The following MACROD2 variants were observed in gnomAD, a reference collection of about 807,000 sequenced individuals.
MACROD2 encodes mono-ADP ribosylhydrolase 2, also known as ADP-ribose glycohydrolase MACROD2.
In MACROD2, 36 loss-of-function variants were observed where a neutral mutation model predicts 70.4. The observed-to-expected ratio is 0.51, with a 90% CI of 0.39 to 0.68. The LOEUF (loss-of-function observed/expected upper bound fraction) is 0.68. Ranked by LOEUF, MACROD2 falls within the 30% of genes least tolerant of loss-of-function variation. The probability of loss-of-function intolerance (pLI) is 0.00; values close to 1 mark genes in which losing one functional copy is unlikely to be tolerated. For missense variants in MACROD2, 496 were observed against 538.4 expected (o/e 0.92, Z 0.78); for synonymous variants, 172 against 178.8 (o/e 0.96, Z 0.30).
intron 2 of MACROD2, among the ~76,000 whole-genome samples, chr20:14,034,664 A>T (rs1490400451): frequency 6.6e-6 from 1 of 152,142 alleles, no homozygotes; most frequent in Non-Finnish European, 1.5e-5. Flanking sequence ...GTGAGATTAA[A>T]CCTGTTTTAA....
At chr20:15,803,250 A>G (rs1344067507) in intron 8 of MACROD2, among the ~76,000 whole-genome samples, 6 of 152,150 alleles carry the variant, frequency 3.9e-5, no homozygotes, top group African/African-American at 1.4e-4. Flanking sequence ...AAGATGCAAA[A>G]CTCCTTAATA....
At chr20:14,338,439 A>AT (rs1299453930) in intron 3 of MACROD2, among the ~76,000 whole-genome samples, 1 of 152,070 alleles carries the variant, frequency 6.6e-6, no homozygotes, top group Admixed American at 6.6e-5. Context: ...ATGCCAAAAG[A>AT]TTTTTTTAAA....
At chr20:14,093,994 T>A (rs2423777) in intron 3 of MACROD2, among the ~76,000 whole-genome samples, 1,979 of 149,612 alleles carry the variant, frequency 0.013, 39 homozygotes, top group African/African-American at 0.044. Context: ...TTTTTTAAAA[T>A]TTTTTTTTTA....
chr20:15,033,813 T>G (rs2075293164), intron 5 of MACROD2, among the ~76,000 whole-genome samples: 1 of 152,166 alleles, frequency 6.6e-6, no homozygotes, highest in Admixed American at 6.5e-5. Context: ...CAAATTGCAA[T>G]ATGCATAAAA....
At chr20:15,174,273 A>G (rs992656536) in intron 5 of MACROD2, among the ~76,000 whole-genome samples, 1 of 152,170 alleles carries the variant, frequency 6.6e-6, no homozygotes, top group African/African-American at 2.4e-5. Context: ...ACAAAATGTT[A>G]CTTGTGGCCT....
intron 3 of MACROD2, among the ~76,000 whole-genome samples, chr20:14,165,948 A>G (rs948890966): frequency 5.9e-5 from 9 of 152,238 alleles, no homozygotes; most frequent in Non-Finnish European, 1.3e-4. Flanking sequence ...CATGATTTTC[A>G]GAAAGGAATT....
rs543892074 is a variant in MACROD2 at position 15,367,286 on chromosome 20, A to G, written c.541-64119A>G. Among the ~76,000 whole-genome samples the G allele has an allele frequency of 9.0e-3, 1,371 of 152,242 alleles. 25 individuals carry two copies. The highest frequency in any genetic ancestry group is 0.032 in the African/African-American group (1,318 of 41,520). On this transcript the variant is annotated intron_variant, in intron 6 of 17. Transcript: ENST00000684519. ...TGTGATCCGCCTGCCTTAGCCTCCCAAAGTGCTGGGATTACAGGCGTGAGC... is the reference window on the plus strand; with the variant it reads ...TGTGATCCGCCTGCCTTAGCCTCCCGAAGTGCTGGGATTACAGGCGTGAGC...
intron 8 of MACROD2, among the ~76,000 whole-genome samples, chr20:15,732,478 T>G (rs994319429): frequency 1.3e-5 from 2 of 152,232 alleles, no homozygotes; most frequent in African/African-American, 4.8e-5. Flanking sequence ...CCTAGTTTAA[T>G]GAAGCCTTTT....
intron 3 of MACROD2, among the ~76,000 whole-genome samples, chr20:14,100,077 C>T (rs1172197850): frequency 6.6e-6 from 1 of 151,874 alleles, no homozygotes; most frequent in Non-Finnish European, 1.5e-5. Context: ...CCATAGATGG[C>T]AACACTTAGG....
intron 6 of MACROD2, 124 bp downstream of exon 6, chr20:15,230,185 A>C (rs2076947682): frequency 1.2e-6 from 1 of 851,346 alleles, no homozygotes; most frequent in Non-Finnish European, 1.7e-6. Flanking sequence ...TAAGGATCTT[A>C]GTAGCCGATT....
intron 3 of MACROD2, among the ~76,000 whole-genome samples, chr20:14,190,728 T>TTC (rs765628902): frequency 0.014 from 988 of 71,250 alleles, 63 homozygotes; most frequent in African/African-American, 0.02. Flanking sequence ...TTTTTTTTTT[T>TTC]CCAGAGTCTT....
chr20:15,911,085 C>T (rs1253722092), intron 10 of MACROD2, among the ~76,000 whole-genome samples: 2 of 152,194 alleles, frequency 1.3e-5, no homozygotes, highest in African/African-American at 4.8e-5. Flanking sequence ...TTCATTGTCT[C>T]CGATTGGCTA....
chr20:15,661,408 G>A (rs2049820186), intron 8 of MACROD2, among the ~76,000 whole-genome samples: 1 of 152,180 alleles, frequency 6.6e-6, no homozygotes, highest in South Asian at 2.1e-4. Context: ...CATATGAAAA[G>A]AAGGGAAAAC....
At chr20:15,816,026 G>A (rs914237801) in intron 8 of MACROD2, among the ~76,000 whole-genome samples, 3 of 151,844 alleles carry the variant, frequency 2.0e-5, no homozygotes, top group Non-Finnish European at 4.4e-5. Context: ...CTCCCTCTGC[G>A]TGTGTGTGTT....
chr20:14,959,200 C>T (rs1017289731), intron 5 of MACROD2, among the ~76,000 whole-genome samples: 10 of 152,060 alleles, frequency 6.6e-5, no homozygotes, highest in Admixed American at 3.9e-4. Context: ...AGCGCAATCT[C>T]GGCTCACTGC....
chr20:14,560,692 C>T (rs1055378953), intron 4 of MACROD2, among the ~76,000 whole-genome samples: 2 of 151,822 alleles, frequency 1.3e-5, no homozygotes, highest in African/African-American at 4.8e-5. Flanking sequence ...GGTCTATGAA[C>T]ATAAGAGTTT....
At chr20:14,206,379 C>G (rs963737075) in intron 3 of MACROD2, among the ~76,000 whole-genome samples, 1 of 152,172 alleles carries the variant, frequency 6.6e-6, no homozygotes, top group Non-Finnish European at 1.5e-5. Context: ...TCAGGTGATT[C>G]TGATGTACCT....
At chr20:14,290,177 T>C (rs1184199645) in intron 3 of MACROD2, among the ~76,000 whole-genome samples, 1 of 152,182 alleles carries the variant, frequency 6.6e-6, no homozygotes, top group African/African-American at 2.4e-5. Flanking sequence ...GGAATGGTCA[T>C]TACCTGGGTA....
intron 5 of MACROD2, among the ~76,000 whole-genome samples, chr20:15,118,277 C>T (rs1245889553): frequency 6.6e-6 from 1 of 150,782 alleles, no homozygotes; most frequent in Admixed American, 6.6e-5. Flanking sequence ...ACTGCAACCT[C>T]CACCTACCAG....
Sources: gnomAD v4.1 joint callset for allele counts (sites outside exome capture counted in the v4.1 genomes callset) on GRCh38, gnomAD v4.1.1 for gene constraint, MANE v1.5 for transcripts, NCBI Gene and HGNC (gene_info 2026-07-23, HGNC 2026-07-21) for gene names.